Variants in CACNA2D3 observed in about 807,000 individuals in gnomAD.
CACNA2D3 encodes voltage-dependent calcium channel subunit alpha-2/delta-3.
CACNA2D3 carries 60 observed loss-of-function variants against 160.6 expected under a neutral mutation model. That is an observed-to-expected ratio of 0.37 (90% CI 0.30 to 0.46). CACNA2D3 has a LOEUF of 0.46. Ranked by LOEUF, CACNA2D3 falls within the 20% of genes least tolerant of loss-of-function variation. The pLI, the probability that CACNA2D3 is intolerant of heterozygous loss-of-function variation, is 1.00. For synonymous variants in CACNA2D3, 558 were observed against 492.9 expected, an observed-to-expected ratio of 1.13 and a Z score of -1.75; for missense variants, 1,205 against 1,365.0, an observed-to-expected ratio of 0.88 and a Z score of 1.85.
intron 12 of CACNA2D3, among the ~76,000 whole-genome samples, chr3:54,761,353 C>G (rs76617756): frequency 0.015 from 2,284 of 152,300 alleles, 24 homozygotes; most frequent in Non-Finnish European, 0.025. Context: ...TGGTAGCACC[C>G]CTCTTAGCTT....
chr3:54,667,153 A>T (rs1700081893), intron 11 of CACNA2D3, among the ~76,000 whole-genome samples: 1 of 152,214 alleles, frequency 6.6e-6, no homozygotes, highest in Non-Finnish European at 1.5e-5. Context: ...TAACTGGTAC[A>T]TGAACACTGT....
At chr3:54,580,970 G>A (rs1028973089) in intron 8 of CACNA2D3, among the ~76,000 whole-genome samples, 1 of 152,190 alleles carries the variant, frequency 6.6e-6, no homozygotes. Flanking sequence ...GCCAGGATAA[G>A]TTTTAGGGGA....
At chr3:54,667,535 C>G (rs1700089109) in intron 11 of CACNA2D3, among the ~76,000 whole-genome samples, 1 of 152,114 alleles carries the variant, frequency 6.6e-6, no homozygotes, top group Admixed American at 6.6e-5. Context: ...GGGTATTGAA[C>G]CTTGAAAACT....
chr3:54,718,769 A>T (rs910244812), intron 11 of CACNA2D3, among the ~76,000 whole-genome samples: 1 of 152,104 alleles, frequency 6.6e-6, no homozygotes, highest in Admixed American at 6.5e-5. Flanking sequence ...CTGAAGAAGG[A>T]TTGACGTATC....
At chr3:54,646,121 TCC>T (rs1333417452) in intron 11 of CACNA2D3, among the ~76,000 whole-genome samples, 3 of 80,718 alleles carry the variant, frequency 3.7e-5, no homozygotes, top group Middle Eastern at 7.7e-3. Flanking sequence ...CTTCCTTCCT[TCC>T]TTTCTTCCTT....
chr3:54,703,249 AAAAG>A (rs1700798240), intron 11 of CACNA2D3, among the ~76,000 whole-genome samples: 1 of 152,182 alleles, frequency 6.6e-6, no homozygotes. Flanking sequence ...GGAAGAAAAA[AAAAG>A]GATAAAAAAA....
In CACNA2D3 at chr3:55,049,101, C is replaced by T. The variant is rs536518433; in HGVS notation, c.2988-24344C>T. Among the ~76,000 whole-genome samples, 5 of 151,952 alleles carry T rather than the reference C, an allele frequency of 3.3e-5. No homozygotes were observed. The South Asian group carries it at 8.3e-4, about 25-fold the overall frequency. ...GAAGGGTTTTTTGTGTCCCTGTTTC[C>T]TTCCGTTCTGCTCTGATTTTAGTTA... On this transcript the variant is annotated intron_variant, in intron 35 of 37. Transcript: ENST00000474759.
At chr3:54,315,698 C>A (rs1440329905) in intron 2 of CACNA2D3, among the ~76,000 whole-genome samples, 3 of 152,104 alleles carry the variant, frequency 2.0e-5, no homozygotes, top group African/African-American at 7.2e-5. Flanking sequence ...GAGGATTAGA[C>A]AAATTAATAG....
At chr3:54,822,785 T>TCCTTC (rs1450856080) in intron 14 of CACNA2D3, among the ~76,000 whole-genome samples, 4 of 78,728 alleles carry the variant, frequency 5.1e-5, no homozygotes, top group East Asian at 8.3e-4. Flanking sequence ...TTTCTTTCTT[T>TCCTTC]CTTTCCTTTC....
intron 11 of CACNA2D3, among the ~76,000 whole-genome samples, chr3:54,656,792 G>T (rs1032198472): frequency 6.6e-6 from 1 of 152,220 alleles, no homozygotes; most frequent in African/African-American, 2.4e-5. Context: ...CACAGCAGCA[G>T]AGTAACCCTT....
intron 11 of CACNA2D3, among the ~76,000 whole-genome samples, chr3:54,681,798 C>G (rs1700356522): frequency 6.6e-6 from 1 of 152,120 alleles, no homozygotes; most frequent in Non-Finnish European, 1.5e-5. Flanking sequence ...CATGCCTCCA[C>G]TTCCCAAGGA....
intron 9 of CACNA2D3, among the ~76,000 whole-genome samples, chr3:54,590,770 A>C (rs554918637): frequency 6.6e-6 from 1 of 152,066 alleles, no homozygotes; most frequent in Non-Finnish European, 1.5e-5. Context: ...ACACAGTTAC[A>C]TGTGGATCTA....
chr3:54,890,582 T>C (rs770783635), intron 24 of CACNA2D3, among the ~76,000 whole-genome samples: 2 of 150,550 alleles, frequency 1.3e-5, no homozygotes, highest in African/African-American at 4.9e-5. Context: ...ATAGGAGAAA[T>C]ATACCTTGCA....
At chr3:54,620,437 C>T (rs1698959625) in intron 9 of CACNA2D3, among the ~76,000 whole-genome samples, 1 of 152,200 alleles carries the variant, frequency 6.6e-6, no homozygotes, top group Non-Finnish European at 1.5e-5. Flanking sequence ...GTGAACAGGG[C>T]AGCAAGGAGC....
intron 2 of CACNA2D3, among the ~76,000 whole-genome samples, chr3:54,281,454 G>T (rs529518775): frequency 5.3e-5 from 8 of 152,130 alleles, no homozygotes; most frequent in Non-Finnish European, 7.4e-5. Flanking sequence ...TGGATCATGA[G>T]GGGGAGGAAG....
At chr3:54,157,587 C>T (rs991777088) in intron 2 of CACNA2D3, among the ~76,000 whole-genome samples, 4 of 152,014 alleles carry the variant, frequency 2.6e-5, no homozygotes, top group African/African-American at 4.8e-5. Flanking sequence ...GTCGGGAGTT[C>T]GAGACCAGCC....
At position 55,044,271 on chromosome 3, in the gene CACNA2D3, T is replaced by C. The variant is rs559921292; in HGVS notation, c.2987+25954T>C. 3.9e-5 allele frequency among the ~76,000 whole-genome samples: 6 copies of C among 152,314 alleles called. No individual in the cohort carries two copies. In the South Asian group the frequency reaches 1.2e-3, roughly 32 times the overall value. On this transcript the variant is annotated intron_variant, in intron 35 of 37. Coordinates refer to ENST00000474759, the MANE Select transcript of CACNA2D3 (RefSeq NM_018398.3). Reference sequence around the variant, plus strand: ...TAACCATCTATTTATTTCAGTTGTCTTTGTTTTTTCATCAGTATTCTATAG... The same window carrying C: ...TAACCATCTATTTATTTCAGTTGTCCTTGTTTTTTCATCAGTATTCTATAG...
intron 10 of CACNA2D3, among the ~76,000 whole-genome samples, chr3:54,629,543 C>T (rs1429020263): frequency 6.6e-5 from 10 of 152,128 alleles, no homozygotes; most frequent in East Asian, 3.9e-4. Context: ...TCCAAAGCCC[C>T]GGTCACCTAA....
chr3:55,006,284 G>T (rs1703091714), intron 32 of CACNA2D3, among the ~76,000 whole-genome samples: 1 of 152,042 alleles, frequency 6.6e-6, no homozygotes, highest in Non-Finnish European at 1.5e-5. Context: ...CCAATGCCTG[G>T]CATGGAATGC....
Sources: allele counts gnomAD v4.1 joint callset (sites outside exome capture counted in the v4.1 genomes callset), GRCh38; gene constraint gnomAD v4.1.1; transcripts MANE v1.5; gene names NCBI Gene and HGNC (gene_info 2026-07-23, HGNC 2026-07-21).